The following ADAR variants were observed in gnomAD, a reference collection of about 807,000 sequenced individuals.
ADAR encodes adenosine deaminase RNA specific, also known as double-stranded RNA-specific adenosine deaminase.
ADAR carries 41 observed loss-of-function variants against 113.2 expected under a neutral mutation model. The observed-to-expected ratio is 0.36, with a 90% confidence interval of 0.28 to 0.47. The LOEUF is 0.47. Ranked by LOEUF, ADAR falls within the 20% of genes least tolerant of loss-of-function variation. The probability of loss-of-function intolerance (pLI) is 1.00; values close to 1 mark genes in which losing one functional copy is unlikely to be tolerated. For missense variants in ADAR, 1,242 were observed against 1,540.9 expected (o/e 0.81, Z 3.25); for synonymous variants, 605 against 572.6 (o/e 1.06, Z -0.81).
chr1:154,585,998 A>C (rs1032231202), intron 12 of ADAR, 133 bp from the exon 13 acceptor site: 4 of 1,161,588 alleles, frequency 3.4e-6, no homozygotes, highest in Non-Finnish European at 3.8e-6. Context: ...GTTAGGAAGC[A>C]CCTTCTGACT....
chr1:154,601,432 C>T lies in ADAR; in HGVS notation c.1210G>A (p.Val404Ile), dbSNP rs1697863385. The change falls in exon 2 of 15, where the codon GTA (valine) becomes ATA (isoleucine). Residue 404 changes from valine (V) to isoleucine (I), a missense_variant. Physicochemically the swap from Val to Ile is conservative, Grantham distance 29. Around this residue, in one of 2 missense-constraint regions of ADAR, gnomAD observed 780 missense variants for 1,057.9 expected, o/e 0.74. Coordinates refer to ENST00000368474, the MANE Select transcript of ADAR (RefSeq NM_001111.5). This position sits in a 1 kb window ranked among gnomAD's most constrained non-coding sequence, Gnocchi z 4.7. Reference protein sequence around the residue: ...IPTSNASNNMVTTEKVENGQE... With the variant: ...IPTSNASNNMITTEKVENGQE... ...CCATTCTCCACTTTTTCTGTGGTTA[C>T]CATGTTATTTGAGGCATTTGATGTG... is the stretch of plus-strand genomic sequence containing the variant. 1.2e-6 allele frequency: 2 copies of T among 1,614,070 alleles called. No homozygotes were observed. The highest frequency in any genetic ancestry group is 1.7e-6 in the Non-Finnish European group (2 of 1,180,052).
chr1:154,590,143 C>CA, intron 7 of ADAR, 41 bp downstream of exon 7: 2 of 1,034,542 alleles, frequency 1.9e-6, no homozygotes, highest in African/African-American at 1.7e-5. Flanking sequence ...TTAGGAGGAC[C>CA]CCCCCGCCCC....
chr1:154,599,605 C>T (rs1697728397), intron 2 of ADAR, among the ~76,000 whole-genome samples: 1 of 152,228 alleles, frequency 6.6e-6, no homozygotes, highest in Admixed American at 6.5e-5. Flanking sequence ...ATCTACACCC[C>T]TAGAAACCAG....
chr1:154,607,950 G>C, intron 1 of ADAR, 42 bp downstream of exon 1: 1 of 1,611,000 alleles, frequency 6.2e-7, no homozygotes, highest in East Asian at 2.2e-5. Context: ...GGTTGTAAAC[G>C]AACCCAGACG....
chr1:154,627,292 GC>G (rs1207465937), intron 1 of ADAR, among the ~76,000 whole-genome samples: 1 of 152,228 alleles, frequency 6.6e-6, no homozygotes, highest in Admixed American at 6.5e-5. Context: ...GCTGAGCGCG[GC>G]GGCCGTGACC....
At chr1:154,602,751 C>T in intron 1 of ADAR, 125 bp from the exon 2 acceptor site, 1 of 1,227,044 alleles carries the variant, frequency 8.1e-7, no homozygotes, top group East Asian at 2.4e-5. Context: ...GAGCCATGGG[C>T]TTATGACTTG....
Position 154,590,517 on chromosome 1 carries a change from C to T in ADAR, c.2271-108G>A, listed in dbSNP as rs1169847103. ...GGCCAGTCTTGCAAACATATGGACC[C>T]GTCAAACAGAAGCTGTTTCTAAGGC... On this transcript the variant is annotated intron_variant, in intron 6 of 14. Coordinates refer to ENST00000368474, the MANE Select transcript of ADAR (RefSeq NM_001111.5). The T allele has an allele frequency of 2.4e-5, 25 of 1,048,092 alleles. No individual in the cohort carries two copies. The East Asian group carries it at 2.4e-4, about 10-fold the overall frequency. 64.9% of individuals were successfully genotyped at this position (1,048,092 alleles called of 1,614,324 possible).
chr1:154,588,573 C>A lies in ADAR; in HGVS notation c.2863G>T (p.Val955Leu). 1 of 1,614,136 alleles carries A rather than the reference C, an allele frequency of 6.2e-7. No individual in the cohort carries two copies. The highest frequency in any genetic ancestry group is 8.5e-7 in the Non-Finnish European group (1 of 1,180,036). ...GACCTGATATACAGATGGAATGACA[C>A]AGTCTTTTTTATTTGGAGCTTTTCT... ...GGEKLQIKKT[V>L]SFHLYISTAP... Residue 955 changes from valine (V) to leucine (L), a missense_variant, in exon 10 of 15, where the codon GTG (valine) becomes TTG (leucine). Transcript: ENST00000368474.
chr1:154,585,551 G>T, intron 13 of ADAR: 1 of 904,038 alleles, frequency 1.1e-6, no homozygotes, highest in Non-Finnish European at 1.7e-6. Context: ...GAGAAGAAAA[G>T]CCCTTGGCAT....
intron 1 of ADAR, among the ~76,000 whole-genome samples, chr1:154,623,954 G>C (rs1157282098): frequency 2.0e-5 from 3 of 151,470 alleles, no homozygotes; most frequent in Non-Finnish European, 4.4e-5. Flanking sequence ...CGCCAGCCAA[G>C]ATCGTGCCAC....
chr1:154,582,501 G>C lies in ADAR; in HGVS notation c.*2305C>G, dbSNP rs1372968605. ...GGGGCATGGGGGCGCAGGGATGTGCGATCTGACACGGCTCGTTTCCAGCAG... is the reference window on the plus strand; with the variant it reads ...GGGGCATGGGGGCGCAGGGATGTGCCATCTGACACGGCTCGTTTCCAGCAG... On this transcript the variant is annotated 3_prime_UTR_variant, in exon 15 of 15. Coordinates refer to ENST00000368474, the MANE Select transcript of ADAR (RefSeq NM_001111.5). 1 of 152,266 alleles carries C rather than the reference G, an allele frequency of 6.6e-6. No individual in the cohort carries two copies. Among genetic ancestry groups the C allele is most frequent in the East Asian group, 1.9e-4 (1 of 5,204 alleles). The allele number at this position is 152,266 out of a possible 1,614,324, so 9.4% of individuals were successfully genotyped here.
At chr1:154,590,100 C>G in intron 7 of ADAR, 84 bp downstream of exon 7, 1 of 1,512,590 alleles carries the variant, frequency 6.6e-7, no homozygotes, top group East Asian at 2.3e-5. Flanking sequence ...AGGAATAACT[C>G]GCATGACAGC....
At chr1:154,607,624 T>C (rs567785920) in intron 1 of ADAR, among the ~76,000 whole-genome samples, 1 of 152,102 alleles carries the variant, frequency 6.6e-6, no homozygotes, top group South Asian at 2.1e-4. Flanking sequence ...GGGCGCATTT[T>C]CCCCCAAGCC....
At chr1:154,588,065 G>C (rs1696880308) in intron 11 of ADAR, 60 bp downstream of exon 11, 1 of 1,607,606 alleles carries the variant, frequency 6.2e-7, no homozygotes, top group Admixed American at 1.7e-5. Flanking sequence ...GTAGAGACTT[G>C]GGGTCCCTGG....
chr1:154,584,899 C>T lies in ADAR; in HGVS notation c.3588G>A (p.Lys1196=). The T allele has an allele frequency of 6.2e-7, 1 of 1,614,150 alleles. No homozygotes were observed. The highest frequency in any genetic ancestry group is 8.5e-7 in the Non-Finnish European group (1 of 1,180,024). Residue 1196 remains lysine, a synonymous_variant, in exon 15 of 15, where the codon AAG becomes AAA. Coordinates refer to ENST00000368474, the MANE Select transcript of ADAR (RefSeq NM_001111.5). ...KKAARDYETA[K]NYFKKGLKDM... is the part of the protein sequence containing the mutation. ...CCTTCAGGCCTTTTTTGAAGTAGTT[C>T]TTGGCCGTCTCGTAGTCACGGGCAG...
chr1:154,613,688 T>G (rs751415631), intron 1 of ADAR, among the ~76,000 whole-genome samples: 11 of 152,114 alleles, frequency 7.2e-5, no homozygotes, highest in Non-Finnish European at 1.6e-4. Flanking sequence ...GTGGATCACC[T>G]GAGGTCGGGA....
intron 7 of ADAR, 49 bp downstream of exon 7, chr1:154,590,135 A>AGGCGG: frequency 2.5e-5 from 30 of 1,204,882 alleles, no homozygotes; most frequent in East Asian, 5.0e-5. Flanking sequence ...CTTAGGAGTT[A>AGGCGG]GGAGGACCCC....
chr1:154,610,932 G>T (rs1369204069), upstream of ADAR, among the ~76,000 whole-genome samples: 11 of 151,380 alleles, frequency 7.3e-5, no homozygotes. Context: ...TCTAGCTCTT[G>T]ACTTGGGTAG....
At chr1:154,606,006 G>A (rs1309358390) in intron 1 of ADAR, 2 of 941,500 alleles carry the variant, frequency 2.1e-6, no homozygotes, top group Non-Finnish European at 2.5e-6. Flanking sequence ...GTACTCACAC[G>A]GTTATTTTTT....
Sources: gnomAD v4.1 joint callset for allele counts (sites outside exome capture counted in the v4.1 genomes callset) on GRCh38, gnomAD v4.1.1 for gene constraint, gnomAD v4.1.1 regional missense constraint, Gnocchi (gnomAD v3.1) non-coding constraint, MANE v1.5 for transcripts, NCBI Gene and HGNC (gene_info 2026-07-23, HGNC 2026-07-21) for gene names.